POU6F2: variants seen among roughly 807,000 people sequenced by gnomAD.
The protein encoded by POU6F2 is POU domain, class 6, transcription factor 2.
Under a neutral mutation model 71.3 loss-of-function variants are expected in POU6F2, and 31 were observed. The observed-to-expected ratio is 0.43, with a 90% CI of 0.33 to 0.59. The LOEUF (loss-of-function observed/expected upper bound fraction) is 0.59, where lower values mean the gene tolerates loss of function less well. Among genes scored for constraint, POU6F2 ranks in the 20% least tolerant of loss-of-function variants. The pLI, the probability that POU6F2 is intolerant of heterozygous loss-of-function variation, is 0.04. For synonymous variants in POU6F2, 347 were observed against 355.7 expected, an observed-to-expected ratio of 0.98 and a Z score of 0.27; for missense variants, 783 against 856.8, an observed-to-expected ratio of 0.91 and a Z score of 1.07.
chr7:39,445,719 C>T (rs1445818736), intron 7 of POU6F2, among the ~76,000 whole-genome samples: 2 of 152,244 alleles, frequency 1.3e-5, no homozygotes, highest in African/African-American at 4.8e-5. Flanking sequence ...ATAAATCTCT[C>T]AGCAAATTTA....
rs530100769 is a variant in POU6F2 at position 39,020,345 on chromosome 7, T to C, written c.105+42287T>C. On this transcript the variant is annotated intron_variant, in intron 1 of 9. Coordinates refer to ENST00000518318, the MANE Select transcript of POU6F2 (RefSeq NM_001370959.1). ...TCTACTTCAAGATATTGTTATACAATAATTGTATCATTCATATTGTGTTCT... is the reference window on the plus strand; with the variant it reads ...TCTACTTCAAGATATTGTTATACAACAATTGTATCATTCATATTGTGTTCT... Among the ~76,000 whole-genome samples the C allele has an allele frequency of 2.8e-4, 43 of 152,324 alleles. 1 individual carries two copies. The highest frequency in any genetic ancestry group is 1.0e-3 in the African/African-American group (42 of 41,588).
intron 2 of POU6F2, among the ~76,000 whole-genome samples, chr7:39,193,110 A>C (rs1485345375): frequency 1.3e-5 from 2 of 152,182 alleles, no homozygotes; most frequent in Non-Finnish European, 2.9e-5. Flanking sequence ...ACAAGGTCCC[A>C]AGGGATGCCA....
intron 1 of POU6F2, 123 bp from the exon 2 acceptor site, chr7:39,085,737 G>A (rs1254845567): frequency 3.1e-6 from 3 of 981,912 alleles, no homozygotes; most frequent in South Asian, 1.6e-5. Context: ...AAGAGAGAGA[G>A]GAGAGAGGGA....
intron 5 of POU6F2, among the ~76,000 whole-genome samples, chr7:39,373,215 T>C (rs1786647829): frequency 6.6e-6 from 1 of 152,176 alleles, no homozygotes; most frequent in Non-Finnish European, 1.5e-5. Flanking sequence ...GTACTAGATA[T>C]GACCATAGTA....
intron 4 of POU6F2, among the ~76,000 whole-genome samples, chr7:39,265,393 G>A (rs907962172): frequency 6.6e-6 from 1 of 152,166 alleles, no homozygotes; most frequent in African/African-American, 2.4e-5. Flanking sequence ...CCCTCAGAGA[G>A]AAAACCAGAG....
chr7:39,303,043 G>T (rs1324080573), intron 4 of POU6F2, among the ~76,000 whole-genome samples: 2 of 152,244 alleles, frequency 1.3e-5, no homozygotes, highest in Non-Finnish European at 2.9e-5. Context: ...GTTGGCTGGG[G>T]ATTCCACTTG....
At chr7:39,336,376 G>A (rs1248183208) in intron 4 of POU6F2, among the ~76,000 whole-genome samples, 2 of 151,968 alleles carry the variant, frequency 1.3e-5, no homozygotes, top group African/African-American at 4.8e-5. Context: ...ACTTATTCTG[G>A]ACATTTCATA....
chr7:39,035,979 C>T (rs1790054075), intron 1 of POU6F2, among the ~76,000 whole-genome samples: 1 of 152,060 alleles, frequency 6.6e-6, no homozygotes, highest in Non-Finnish European at 1.5e-5. Context: ...GTCACAAGTA[C>T]AGTTGTACAG....
intron 4 of POU6F2, among the ~76,000 whole-genome samples, chr7:39,232,222 T>C (rs1247822911): frequency 6.6e-6 from 1 of 152,226 alleles, no homozygotes; most frequent in Non-Finnish European, 1.5e-5. Context: ...ATAGATGCTA[T>C]TCTTTACATG....
intron 1 of POU6F2, among the ~76,000 whole-genome samples, chr7:39,007,308 G>T (rs12669446): frequency 6.6e-6 from 1 of 151,888 alleles, no homozygotes; most frequent in African/African-American, 2.4e-5. Context: ...CTTCTATTTC[G>T]AGATATCTGC....
chr7:39,290,777 G>T (rs1338591056), intron 4 of POU6F2, among the ~76,000 whole-genome samples: 2 of 152,084 alleles, frequency 1.3e-5, no homozygotes, highest in Non-Finnish European at 2.9e-5. Flanking sequence ...GGGACTGCAG[G>T]CCTGTGATTA....
In POU6F2 at chr7:39,016,767, C is replaced by T. The variant is rs144664520; in HGVS notation, c.105+38709C>T. Among the ~76,000 whole-genome samples the T allele has an allele frequency of 2.6e-3, 400 of 152,084 alleles. 2 individuals are homozygous for T. Among genetic ancestry groups the T allele is most frequent in the African/African-American group, 8.8e-3 (366 of 41,484 alleles). ...GGAGCTGGAGTTGTGTAGGTCAAGA[C>T]GGCGTTAAGCGTGCTCTCTGCAGAT... On this transcript the variant is annotated intron_variant, in intron 1 of 9. Coordinates refer to ENST00000518318, the MANE Select transcript of POU6F2 (RefSeq NM_001370959.1).
intron 2 of POU6F2, among the ~76,000 whole-genome samples, chr7:39,109,173 G>A (rs1791753494): frequency 6.6e-6 from 1 of 152,134 alleles, no homozygotes; most frequent in Non-Finnish European, 1.5e-5. Context: ...AGCCTCCTGA[G>A]TAGCTGGGAC....
At chr7:39,222,407 C>A (rs1390494668) in intron 4 of POU6F2, among the ~76,000 whole-genome samples, 1 of 152,134 alleles carries the variant, frequency 6.6e-6, no homozygotes, top group African/African-American at 2.4e-5. Context: ...GTAAAATATA[C>A]CTAACATAAA....
At chr7:39,379,523 G>A (rs1197306931) in intron 5 of POU6F2, among the ~76,000 whole-genome samples, 1 of 152,040 alleles carries the variant, frequency 6.6e-6, no homozygotes, top group Non-Finnish European at 1.5e-5. Context: ...TAACTCAAAT[G>A]TTAAGGGACA....
At chr7:39,264,585 G>GA (rs1784205002) in intron 4 of POU6F2, among the ~76,000 whole-genome samples, 1 of 152,130 alleles carries the variant, frequency 6.6e-6, no homozygotes, top group Non-Finnish European at 1.5e-5. Flanking sequence ...GATGTGGTGA[G>GA]GTCATCAGTT....
At chr7:39,383,213 T>A (rs1269360826) in intron 5 of POU6F2, among the ~76,000 whole-genome samples, 1 of 152,222 alleles carries the variant, frequency 6.6e-6, no homozygotes, top group African/African-American at 2.4e-5. Flanking sequence ...ACAAACGTAA[T>A]ACATGTTAAA....
At chr7:39,009,745 T>G (rs2128702663) in intron 1 of POU6F2, among the ~76,000 whole-genome samples, 1 of 151,912 alleles carries the variant, frequency 6.6e-6, no homozygotes, top group East Asian at 1.9e-4. Context: ...GTTGTTGAAT[T>G]TTGTCAAAGG....
intron 1 of POU6F2, among the ~76,000 whole-genome samples, chr7:39,039,006 T>C (rs182110954): frequency 6.6e-6 from 1 of 152,074 alleles, no homozygotes; most frequent in Admixed American, 6.6e-5. Context: ...GAATAGGTGA[T>C]ATATAAATAC....
Sources: gnomAD v4.1 joint callset for allele counts (sites outside exome capture counted in the v4.1 genomes callset) on GRCh38, gnomAD v4.1.1 for gene constraint, MANE v1.5 for transcripts, NCBI Gene and HGNC (gene_info 2026-07-23, HGNC 2026-07-21) for gene names.